GOLGA1: variants seen among roughly 807,000 people sequenced by gnomAD.
GOLGA1 encodes the protein golgin subfamily A member 1.
In GOLGA1, 63 loss-of-function variants were observed where a neutral mutation model predicts 119.7. That is an observed-to-expected ratio of 0.53 (90% CI 0.43 to 0.65). The LOEUF (loss-of-function observed/expected upper bound fraction) is 0.65. Among genes scored for constraint, GOLGA1 ranks in the 30% least tolerant of loss-of-function variants. GOLGA1 has a pLI of 0.00. For synonymous variants in GOLGA1, 318 were observed against 333.4 expected, an observed-to-expected ratio of 0.95 and a Z score of 0.50; for missense variants, 798 against 912.8, an observed-to-expected ratio of 0.87 and a Z score of 1.62.
In GOLGA1 at chr9:124,899,624, T is replaced by G. The variant is rs1017825092; in HGVS notation, c.1162-146A>C. On this transcript the variant is annotated intron_variant, in intron 13 of 22. Coordinates refer to ENST00000373555, the MANE Select transcript of GOLGA1 (RefSeq NM_002077.4). ...CCCCTGGCGTTGCTGAGGTCCCCCC[T>G]GCAGGCTCTGCCTGTTGCTCCTGGA... 5.3e-6 allele frequency: 4 copies of G among 758,230 alleles called. No individual in the cohort carries two copies. In the African/African-American group the frequency reaches 7.0e-5, roughly 13 times the overall value. 47.0% of individuals were successfully genotyped at this position (758,230 alleles called of 1,614,324 possible). A position where few individuals can be genotyped will look rare whatever the true frequency, so the allele number is the denominator to read the frequency against.
intron 12 of GOLGA1, among the ~76,000 whole-genome samples, chr9:124,907,836 C>T (rs1050953320): frequency 7.2e-5 from 11 of 152,178 alleles, no homozygotes; most frequent in Non-Finnish European, 1.5e-4. Context: ...TATATAGGAA[C>T]GCTCATGCAT....
intron 19 of GOLGA1, among the ~76,000 whole-genome samples, chr9:124,887,201 C>T (rs768529228): frequency 1.9e-4 from 29 of 152,244 alleles, no homozygotes; most frequent in Middle Eastern, 3.4e-3. Context: ...GCTCAAGGGA[C>T]GGAGGTCCTA....
rs914392255 is a variant in GOLGA1, at chr9:124,889,869, A to G, written c.1498-333T>C. 3.9e-5 allele frequency among the ~76,000 whole-genome samples: 6 copies of G among 152,308 alleles called. No individual in the cohort carries two copies. In the East Asian group the frequency reaches 7.7e-4, roughly 20 times the overall value. On this transcript the variant is annotated intron_variant, in intron 16 of 22. Transcript: ENST00000373555. ...CCCCAGCACTAGACACGCATTTGAT[A>G]TATGTTGCCTCATTACAGAATAGTT...
intron 14 of GOLGA1, 54 bp from the exon 15 acceptor site, chr9:124,898,698 G>A: frequency 9.5e-7 from 1 of 1,053,234 alleles, no homozygotes; most frequent in Non-Finnish European, 1.5e-6. Flanking sequence ...ATATTTCCCT[G>A]GGCACAGGGA....
At chr9:124,907,058 C>T (rs184174643) in intron 12 of GOLGA1, among the ~76,000 whole-genome samples, 105 of 151,276 alleles carry the variant, frequency 6.9e-4, no homozygotes, top group Non-Finnish European at 1.4e-3. Flanking sequence ...TAAAGTCAAC[C>T]TTTGAAAAAA....
chr9:124,925,526 G>A (rs1009172851), intron 7 of GOLGA1, among the ~76,000 whole-genome samples: 1 of 151,758 alleles, frequency 6.6e-6, no homozygotes, highest in Admixed American at 6.6e-5. Context: ...AACCAGCCTG[G>A]GCAACACAGT....
intron 19 of GOLGA1, among the ~76,000 whole-genome samples, chr9:124,883,274 TTTC>T (rs748542314): frequency 4.6e-5 from 7 of 150,592 alleles, no homozygotes; most frequent in Non-Finnish European, 8.8e-5. Flanking sequence ...TTTTTGTCTT[TTTC>T]TTCTTCTTCT....
chr9:124,895,396 A>AACC, intron 15 of GOLGA1, among the ~76,000 whole-genome samples: 1 of 142,128 alleles, frequency 7.0e-6, no homozygotes, highest in African/African-American at 2.7e-5. Flanking sequence ...CACAACAGAG[A>AACC]CTCTCCACAA....
At chr9:124,937,630 CAAA>C (rs11343969) in intron 3 of GOLGA1, among the ~76,000 whole-genome samples, 7 of 130,542 alleles carry the variant, frequency 5.4e-5, no homozygotes, top group Non-Finnish European at 1.7e-5. Flanking sequence ...GACTCTGTCT[CAAA>C]AAAAAAAAAA....
chr9:124,918,085 C>T (rs1360568650), intron 10 of GOLGA1, among the ~76,000 whole-genome samples: 5 of 152,170 alleles, frequency 3.3e-5, no homozygotes, highest in Non-Finnish European at 7.3e-5. Context: ...CTCCCAACCT[C>T]AGGTGATCCA....
At chr9:124,928,944 T>C (rs924069849) in intron 5 of GOLGA1, among the ~76,000 whole-genome samples, 4 of 152,188 alleles carry the variant, frequency 2.6e-5, no homozygotes, top group Admixed American at 2.0e-4. Context: ...TATTAAAACC[T>C]GAGGGTAGCC....
chr9:124,884,584 C>G (rs1350277983), intron 19 of GOLGA1, among the ~76,000 whole-genome samples: 2 of 152,144 alleles, frequency 1.3e-5, no homozygotes, highest in African/African-American at 4.8e-5. Context: ...CGAGGAATCC[C>G]CATTGTTTCT....
At chr9:124,929,483 A>G (rs1830735433) in intron 4 of GOLGA1, among the ~76,000 whole-genome samples, 193 bp from the exon 5 acceptor site, 1 of 152,212 alleles carries the variant, frequency 6.6e-6, no homozygotes, top group Non-Finnish European at 1.5e-5. Flanking sequence ...CAAACTATCC[A>G]TGGTGTATAA....
chr9:124,940,766 C>T (rs1003346535), intron 1 of GOLGA1, among the ~76,000 whole-genome samples: 1 of 152,190 alleles, frequency 6.6e-6, no homozygotes, highest in South Asian at 2.1e-4. Context: ...TCCAAGGTCG[C>T]GCAGGGAGGA....
chr9:124,937,143 C>T (rs7872386), intron 3 of GOLGA1, among the ~76,000 whole-genome samples: 87,731 of 151,944 alleles, frequency 0.58, 25,802 homozygotes, highest in Non-Finnish European at 0.58. Context: ...ATATATCCAG[C>T]ATTATAAATG....
At chr9:124,945,231 C>T (rs1162474700), upstream of GOLGA1, 1 of 152,048 alleles carries the variant, frequency 6.6e-6, no homozygotes, top group Non-Finnish European at 1.5e-5. Context: ...AAACATGGCA[C>T]TGGTTAAAGT....
At chr9:124,909,608 C>CAAAAAAAAAA (rs58372596) in intron 11 of GOLGA1, among the ~76,000 whole-genome samples, 1 of 87,286 alleles carries the variant, frequency 1.1e-5, no homozygotes, top group African/African-American at 4.3e-5. Flanking sequence ...GACTCCGTCT[C>CAAAAAAAAAA]AAAAAAAAAA....
At position 124,919,981 on chromosome 9, in the gene GOLGA1, A is replaced by G. The variant is rs190042593; in HGVS notation, c.843+1148T>C. ...TTATTTTATTATTTTTTTAAGACAG[A>G]GTCTCTCTCTGTCACCCAGGCAGGC... On this transcript the variant is annotated intron_variant, in intron 10 of 22. Coordinates refer to ENST00000373555, the MANE Select transcript of GOLGA1 (RefSeq NM_002077.4). 2.5e-3 allele frequency among the ~76,000 whole-genome samples: 358 copies of G among 143,516 alleles called. 1 individual carries two copies. Among genetic ancestry groups the G allele is most frequent in the Admixed American group, 5.1e-3 (75 of 14,782 alleles). 94.2% of individuals were successfully genotyped at this position (143,516 alleles called of 152,430 possible).
intron 12 of GOLGA1, among the ~76,000 whole-genome samples, chr9:124,906,292 G>A (rs1434811779): frequency 1.3e-5 from 2 of 150,442 alleles, no homozygotes; most frequent in East Asian, 2.0e-4. Flanking sequence ...TTAGCTTAGC[G>A]TGGTGGCACG....
Sources: gnomAD v4.1 joint callset for allele counts (sites outside exome capture counted in the v4.1 genomes callset) on GRCh38, gnomAD v4.1.1 for gene constraint, MANE v1.5 for transcripts, NCBI Gene and HGNC (gene_info 2026-07-23, HGNC 2026-07-21) for gene names.